Variants in SFMBT2 observed in about 807,000 individuals in gnomAD.
SFMBT2 encodes the protein scm-like with four MBT domains protein 2.
A neutral mutation model predicts 110.1 loss-of-function variants in SFMBT2; 38 were observed. That is an observed-to-expected ratio of 0.35 (90% CI 0.27 to 0.45). The LOEUF (loss-of-function observed/expected upper bound fraction) is 0.45. Ranked by LOEUF, SFMBT2 falls within the 20% of genes least tolerant of loss-of-function variation. SFMBT2 has a pLI of 1.00. For synonymous variants in SFMBT2, 425 were observed against 425.4 expected (o/e 1.00, Z 0.01); for missense variants, 1,011 against 1,094.9 (o/e 0.92, Z 1.08).
At chr10:7,291,491 G>A (rs906846451) in intron 4 of SFMBT2, among the ~76,000 whole-genome samples, 3 of 152,010 alleles carry the variant, frequency 2.0e-5, no homozygotes, top group Admixed American at 6.6e-5. Context: ...CTCTCATTAC[G>A]GAATAGGGTT....
chr10:7,341,292 T>C (rs1465741162), intron 4 of SFMBT2, among the ~76,000 whole-genome samples: 1 of 152,186 alleles, frequency 6.6e-6, no homozygotes, highest in Non-Finnish European at 1.5e-5. Context: ...ATGGGGCAGC[T>C]ACAGCTATTC....
At chr10:7,228,095 G>A (rs1199830398) in intron 9 of SFMBT2, among the ~76,000 whole-genome samples, 158 bp from the exon 10 acceptor site, 1 of 152,144 alleles carries the variant, frequency 6.6e-6, no homozygotes, top group East Asian at 1.9e-4. Flanking sequence ...AAATATTTTG[G>A]AAAAATTAAA....
At chr10:7,375,815 G>C (rs975045524) in intron 2 of SFMBT2, among the ~76,000 whole-genome samples, 5 of 150,120 alleles carry the variant, frequency 3.3e-5, no homozygotes, top group Admixed American at 2.0e-4. Flanking sequence ...CACCTAGCCA[G>C]GGGAAGCCAC....
intron 4 of SFMBT2, among the ~76,000 whole-genome samples, chr10:7,287,840 C>A (rs1269963576): frequency 2.0e-5 from 3 of 152,206 alleles, no homozygotes; most frequent in African/African-American, 7.2e-5. Context: ...TCCACCATCA[C>A]TGGATGCATG....
At chr10:7,299,616 C>T (rs564450669) in intron 4 of SFMBT2, among the ~76,000 whole-genome samples, 4 of 152,258 alleles carry the variant, frequency 2.6e-5, no homozygotes, top group Admixed American at 6.5e-5. Flanking sequence ...GAAACAGGAA[C>T]GCTTTTACGC....
chr10:7,348,818 T>G (rs571718538), intron 4 of SFMBT2, among the ~76,000 whole-genome samples: 2 of 152,176 alleles, frequency 1.3e-5, no homozygotes, highest in Non-Finnish European at 2.9e-5. Flanking sequence ...GGATATAAGC[T>G]CTTTGGCACA....
chr10:7,228,739 TCTCTCTCTCTCTCTCTCTCTC>T (rs1840011172), intron 9 of SFMBT2, among the ~76,000 whole-genome samples: 1 of 29,664 alleles, frequency 3.4e-5, no homozygotes, highest in Non-Finnish European at 7.0e-5. Context: ...TTCTTTCCTT[TCTCTCTCTCTCTCTCTCTCTC>T]TCTCTCTCTC....
chr10:7,296,671 A>G (rs1475118498), intron 4 of SFMBT2, among the ~76,000 whole-genome samples: 1 of 152,208 alleles, frequency 6.6e-6, no homozygotes, highest in East Asian at 1.9e-4. Flanking sequence ...GTGATGGTTA[A>G]TTTTATGTCA....
At chr10:7,248,488 G>T in intron 8 of SFMBT2, 60 bp downstream of exon 8, 2 of 1,403,990 alleles carry the variant, frequency 1.4e-6, no homozygotes, top group South Asian at 2.3e-5. Context: ...TCTTTGAGTT[G>T]AAAGGCTTAA....
intron 12 of SFMBT2, chr10:7,203,719 T>C: frequency 1.0e-6 from 1 of 977,998 alleles, no homozygotes. Flanking sequence ...ATCTGCAGCT[T>C]TTTTTTTGTG....
chr10:7,248,864 T>C (rs1840708114), intron 7 of SFMBT2, among the ~76,000 whole-genome samples: 2 of 152,238 alleles, frequency 1.3e-5, no homozygotes, highest in Admixed American at 1.3e-4. Flanking sequence ...GCAACAAGGC[T>C]TCCTGGCCAT....
intron 11 of SFMBT2, chr10:7,206,691 ACT>A: frequency 1.3e-6 from 1 of 784,756 alleles, no homozygotes; most frequent in Non-Finnish European, 1.5e-6. Context: ...CAGCCATGAA[ACT>A]CTGAAAAAGA....
intron 1 of SFMBT2, among the ~76,000 whole-genome samples, chr10:7,387,428 T>G (rs1235045436): frequency 6.6e-6 from 1 of 151,932 alleles, no homozygotes; most frequent in African/African-American, 2.4e-5. Flanking sequence ...CAAGGACAAG[T>G]GGCTGCTAAA....
chr10:7,264,933 A>G (rs1324764713), intron 7 of SFMBT2, among the ~76,000 whole-genome samples: 1 of 142,930 alleles, frequency 7.0e-6, no homozygotes, highest in South Asian at 2.1e-4. Context: ...ATTTTAAAAA[A>G]GAGGAAAAAA....
At position 7,176,095 on chromosome 10, in the gene SFMBT2, G is replaced by A. The variant is rs372825470; in HGVS notation, c.1879C>T (p.Arg627Cys). The A allele has an allele frequency of 1.5e-5, 25 of 1,613,984 alleles. No individual in the cohort carries two copies. Among genetic ancestry groups the A allele is most frequent in the Admixed American group, 5.0e-5 (3 of 59,990 alleles). Residue 627 changes from arginine to cysteine, a missense_variant, in exon 17 of 21, where the codon CGC becomes TGC. This residue lies in a region of SFMBT2 where 979 missense variants were observed against 1,016.1 expected (regional missense o/e 0.96). Transcript: ENST00000397167. Reference sequence around the variant, plus strand: ...CACTCTAGCTTGGCACAGACTCGGCGGCAGAAATTTGCGACTTGGTCAGAT... The same window carrying A: ...CACTCTAGCTTGGCACAGACTCGGCAGCAGAAATTTGCGACTTGGTCAGAT... ...RTSDQVANFC[R>C]RVCAKLECCP...
At chr10:7,341,429 A>G (rs1426761790) in intron 4 of SFMBT2, among the ~76,000 whole-genome samples, 1 of 152,244 alleles carries the variant, frequency 6.6e-6, no homozygotes, top group Admixed American at 6.5e-5. Flanking sequence ...ATCATTTAAA[A>G]TATAAAAAGT....
chr10:7,190,912 G>T (rs1838579213), intron 15 of SFMBT2, among the ~76,000 whole-genome samples: 1 of 152,186 alleles, frequency 6.6e-6, no homozygotes. Context: ...AATTGTAGGG[G>T]TGGTTTCCCC....
intron 4 of SFMBT2, among the ~76,000 whole-genome samples, chr10:7,349,271 C>A (rs1038142600): frequency 2.3e-4 from 35 of 152,122 alleles, no homozygotes; most frequent in African/African-American, 8.4e-4. Flanking sequence ...GAATGCTCAG[C>A]ACAGACTGCC....
intron 7 of SFMBT2, among the ~76,000 whole-genome samples, chr10:7,272,949 T>A (rs531870129): frequency 6.6e-6 from 1 of 152,288 alleles, no homozygotes; most frequent in African/African-American, 2.4e-5. Flanking sequence ...CATGCCACCA[T>A]GCCCGGCTAA....
Sources: gnomAD v4.1 joint callset for allele counts (sites outside exome capture counted in the v4.1 genomes callset) on GRCh38, gnomAD v4.1.1 for gene constraint, gnomAD v4.1.1 regional missense constraint, MANE v1.5 for transcripts, NCBI Gene and HGNC (gene_info 2026-07-23, HGNC 2026-07-21) for gene names.